LRP1B: variants seen among roughly 807,000 people sequenced by gnomAD.
The protein encoded by LRP1B is low-density lipoprotein receptor-related protein 1B.
In LRP1B, 217 loss-of-function variants were observed where a neutral mutation model predicts 556.6. The ratio of observed to expected loss-of-function variants is 0.39; its 90% CI spans 0.35 to 0.44. LRP1B has a LOEUF of 0.44. Ranked by LOEUF, LRP1B falls within the 20% of genes least tolerant of loss-of-function variation. LRP1B has a pLI of 1.00. For synonymous variants in LRP1B, 2,047 were observed against 1,865.8 expected (o/e 1.10, Z -2.50); for missense variants, 5,053 against 5,620.8 (o/e 0.90, Z 3.23).
In LRP1B at chr2:140,286,610, C is replaced by T. The variant is rs1179072061; in HGVS notation, c.12967+11198G>A. On this transcript the variant is annotated intron_variant, in intron 84 of 90. Transcript: ENST00000389484. ...AATCTAATCTGTGCATGGAAGTAAG[C>T]CCAGTCATAAAACTATTTTCGTCAG... is the stretch of plus-strand genomic sequence containing the variant. Among the ~76,000 whole-genome samples, 3 of 151,772 alleles carry T rather than the reference C, an allele frequency of 2.0e-5. No individual in the cohort carries two copies. The Admixed American group carries it at 2.0e-4, about 10-fold the overall frequency.
At chr2:141,404,864 G>C (rs966959749) in intron 3 of LRP1B, among the ~76,000 whole-genome samples, 1 of 151,888 alleles carries the variant, frequency 6.6e-6, no homozygotes, top group Admixed American at 6.6e-5. Context: ...TTGGGCAGAA[G>C]CCTTGATTAA....
chr2:141,836,939 T>C (rs1333203185), intron 1 of LRP1B, among the ~76,000 whole-genome samples: 1 of 152,012 alleles, frequency 6.6e-6, no homozygotes, highest in Non-Finnish European at 1.5e-5. Flanking sequence ...ATTTGTACTT[T>C]GTGATTTTCT....
chr2:140,509,669 G>T (rs1207025335), intron 52 of LRP1B, among the ~76,000 whole-genome samples: 1 of 152,128 alleles, frequency 6.6e-6, no homozygotes, highest in African/African-American at 2.4e-5. Context: ...GCTGAGAAGT[G>T]AAATGATAAA....
intron 7 of LRP1B, among the ~76,000 whole-genome samples, chr2:141,183,500 T>C (rs1681102042): frequency 6.6e-6 from 1 of 152,152 alleles, no homozygotes; most frequent in East Asian, 1.9e-4. Context: ...TGTGTGAATT[T>C]AACTTGAGAT....
Position 141,772,877 on chromosome 2 carries a change from C to T in LRP1B, c.205+37402G>A, listed in dbSNP as rs891278714. 1.6e-4 allele frequency among the ~76,000 whole-genome samples: 25 copies of T among 152,134 alleles called. 2 individuals are homozygous for T. Among genetic ancestry groups the T allele is most frequent in the South Asian group, 2.1e-4 (1 of 4,822 alleles). On this transcript the variant is annotated intron_variant, in intron 2 of 90. Transcript: ENST00000389484. ...AAGAAGGCTTCTCAGTTCTTTCTAC[C>T]CGTCAGGGCTGGCCTTACTAGCTTG...
At chr2:140,948,129 T>A (rs548233101) in intron 20 of LRP1B, among the ~76,000 whole-genome samples, 1 of 152,294 alleles carries the variant, frequency 6.6e-6, no homozygotes, top group Non-Finnish European at 1.5e-5. Context: ...AACTTAGTGA[T>A]AAATGCACAT....
At chr2:142,020,482 G>A (rs1703294187) in intron 1 of LRP1B, among the ~76,000 whole-genome samples, 1 of 152,142 alleles carries the variant, frequency 6.6e-6, no homozygotes, top group African/African-American at 2.4e-5. Context: ...ATACTAACAT[G>A]TACAGGCCAC....
intron 6 of LRP1B, among the ~76,000 whole-genome samples, chr2:141,212,148 TCA>T (rs1188551229): frequency 6.6e-6 from 1 of 151,766 alleles, no homozygotes; most frequent in Non-Finnish European, 1.5e-5. Flanking sequence ...TTAGAATTCT[TCA>T]CAGAGTTTCT....
intron 18 of LRP1B, among the ~76,000 whole-genome samples, chr2:140,978,163 A>G (rs1403220631): frequency 6.6e-6 from 1 of 152,204 alleles, no homozygotes; most frequent in African/African-American, 2.4e-5. Flanking sequence ...ACGTGCACCC[A>G]CATATAATCT....
chr2:141,514,833 T>A (rs1684254896), intron 2 of LRP1B, among the ~76,000 whole-genome samples: 1 of 152,076 alleles, frequency 6.6e-6, no homozygotes, highest in African/African-American at 2.4e-5. Context: ...CTGGATACTA[T>A]CCTGAAAGTA....
intron 7 of LRP1B, among the ~76,000 whole-genome samples, chr2:141,152,544 A>G (rs2105086742): frequency 6.6e-6 from 1 of 152,102 alleles, no homozygotes; most frequent in East Asian, 1.9e-4. Flanking sequence ...ACATCTTGCT[A>G]GACTCCCAAT....
intron 1 of LRP1B, among the ~76,000 whole-genome samples, chr2:141,896,407 A>T (rs192085329): frequency 1.6e-4 from 25 of 152,306 alleles, no homozygotes; most frequent in African/African-American, 5.5e-4. Flanking sequence ...GTGACAAATG[A>T]TGCTGTTTAC....
At chr2:141,723,046 A>G (rs542276513) in intron 2 of LRP1B, among the ~76,000 whole-genome samples, 96 of 151,376 alleles carry the variant, frequency 6.3e-4, no homozygotes, top group African/African-American at 2.2e-3. Flanking sequence ...CATTTTATTT[A>G]TATAATAGAG....
intron 3 of LRP1B, among the ~76,000 whole-genome samples, chr2:141,441,197 C>T (rs559497113): frequency 6.2e-4 from 94 of 152,254 alleles, no homozygotes; most frequent in African/African-American, 2.1e-3. Flanking sequence ...CTGCTTCAGC[C>T]TCCCAAGTAG....
At position 140,536,584 on chromosome 2, in the gene LRP1B, A is replaced by T. The variant is rs1444689699; in HGVS notation, c.7639T>A (p.Cys2547Ser). 6.2e-7 allele frequency: 1 copy of T among 1,609,292 alleles called. No homozygotes were observed. Among genetic ancestry groups the T allele is most frequent in the Non-Finnish European group, 8.5e-7 (1 of 1,178,268 alleles). Residue 2547 changes from cysteine to serine, a missense_variant, in exon 46 of 91, where the codon TGT (cysteine) becomes AGT (serine). Around this residue, in one of 5 missense-constraint regions of LRP1B, gnomAD observed 3,619 missense variants for 3,931.9 expected, o/e 0.92. Transcript: ENST00000389484. ...KDKSDEKLLY[C>S]ENRSCRRGFK... ...CAAACCCATATTGGACACTTACCAC[A>T]GTAGAGCAGTTTTTCATCTGATTTA...
intron 1 of LRP1B, among the ~76,000 whole-genome samples, chr2:142,014,463 T>G (rs1703056835): frequency 6.6e-6 from 1 of 152,136 alleles, no homozygotes; most frequent in South Asian, 2.1e-4. Flanking sequence ...AGAGTCAATT[T>G]CATAAAAAGA....
At chr2:140,339,386 G>C (rs571862055) in intron 77 of LRP1B, among the ~76,000 whole-genome samples, 71 of 151,840 alleles carry the variant, frequency 4.7e-4, no homozygotes, top group African/African-American at 1.5e-3. Flanking sequence ...ATTTCTTACA[G>C]TTAGCAATAT....
chr2:141,888,826 T>C (rs985622228), intron 1 of LRP1B, among the ~76,000 whole-genome samples: 2 of 152,170 alleles, frequency 1.3e-5, no homozygotes, highest in African/African-American at 2.4e-5. Context: ...AATCAGGTAA[T>C]GTGTTGAAGG....
intron 6 of LRP1B, among the ~76,000 whole-genome samples, chr2:141,219,314 G>A (rs1370324087): frequency 2.0e-5 from 3 of 152,220 alleles, no homozygotes; most frequent in Non-Finnish European, 4.4e-5. Flanking sequence ...CCACAGCGAA[G>A]CACAGCAGCT....
Sources: allele counts gnomAD v4.1 joint callset (sites outside exome capture counted in the v4.1 genomes callset), GRCh38; gene constraint gnomAD v4.1.1; regional missense constraint gnomAD v4.1.1; transcripts MANE v1.5; gene names NCBI Gene and HGNC (gene_info 2026-07-23, HGNC 2026-07-21).